The following ABI3BP variants were observed in gnomAD, a reference collection of about 807,000 sequenced individuals.
The protein encoded by ABI3BP is target of Nesh-SH3.
ABI3BP carries 216 observed loss-of-function variants against 268.6 expected under a neutral mutation model. The observed-to-expected ratio is 0.80, with a 90% confidence interval of 0.72 to 0.90. The LOEUF is 0.90. Among genes scored for constraint, ABI3BP ranks in the 40% least tolerant of loss-of-function variants. The pLI is 0.00. For synonymous variants in ABI3BP, 730 were observed against 730.0 expected, an observed-to-expected ratio of 1.00 and a Z score of 0.00; for missense variants, 2,090 against 2,182.4, an observed-to-expected ratio of 0.96 and a Z score of 0.84.
At chr3:100,762,962 G>A (rs1298798344) in intron 63 of ABI3BP, among the ~76,000 whole-genome samples, 1 of 152,044 alleles carries the variant, frequency 6.6e-6, no homozygotes, top group Non-Finnish European at 1.5e-5. Context: ...TATAATCCTG[G>A]CCAAATCATT....
intron 57 of ABI3BP, among the ~76,000 whole-genome samples, chr3:100,782,349 T>C (rs1316657432): frequency 6.6e-6 from 1 of 152,164 alleles, no homozygotes; most frequent in East Asian, 1.9e-4. Flanking sequence ...TGCCCTCTTT[T>C]TTTTTTATCC....
rs191860359 is a variant in ABI3BP at position 100,912,235 on chromosome 3, G to A, written c.260-9549C>T. 7.3e-3 allele frequency: 840 copies of A among 115,760 alleles called. 5 individuals carry two copies. Among genetic ancestry groups the A allele is most frequent in the Middle Eastern group, 0.018 (3 of 164 alleles). The allele number at this position is 115,760 out of a possible 1,614,324, so 7.2% of individuals were successfully genotyped here. ...CTTCACAACTTCATTAATCTAAAAC[G>A]CGTCTAAAACAGTTTATAGAAAAGG... On this transcript the variant is annotated intron_variant, in intron 2 of 67. Coordinates refer to ENST00000471714, the MANE Select transcript of ABI3BP (RefSeq NM_001375547.2).
At chr3:100,763,875 G>T (rs2149634521) in intron 63 of ABI3BP, among the ~76,000 whole-genome samples, 1 of 152,212 alleles carries the variant, frequency 6.6e-6, no homozygotes, top group Non-Finnish European at 1.5e-5. Flanking sequence ...ATATAAACAG[G>T]CTCAAATACT....
At chr3:100,855,349 T>C (rs1381621316) in intron 14 of ABI3BP, among the ~76,000 whole-genome samples, 2 of 152,378 alleles carry the variant, frequency 1.3e-5, no homozygotes, top group African/African-American at 2.4e-5. Context: ...AGGCAAACCA[T>C]TGCATATGAT....
chr3:100,825,494 T>C (rs1233114513), intron 35 of ABI3BP, among the ~76,000 whole-genome samples: 1 of 152,156 alleles, frequency 6.6e-6, no homozygotes, highest in East Asian at 1.9e-4. Flanking sequence ...AATGTTAATA[T>C]AGAACTCGGC....
At chr3:100,848,994 G>A in intron 17 of ABI3BP, 119 bp from the exon 18 acceptor site, 1 of 805,892 alleles carries the variant, frequency 1.2e-6, no homozygotes, top group Non-Finnish European at 2.1e-6. Flanking sequence ...TGTATCCTTA[G>A]AATGTCCAGT....
At chr3:100,882,087 A>T (rs1250385074) in intron 6 of ABI3BP, among the ~76,000 whole-genome samples, 2 of 152,200 alleles carry the variant, frequency 1.3e-5, no homozygotes, top group Non-Finnish European at 2.9e-5. Flanking sequence ...AATACCTCTT[A>T]TTGGAAGGTG....
intron 61 of ABI3BP, among the ~76,000 whole-genome samples, chr3:100,773,743 T>A (rs1042731249): frequency 6.6e-6 from 1 of 152,232 alleles, no homozygotes; most frequent in African/African-American, 2.4e-5. Flanking sequence ...AATAATAGCA[T>A]GCTAGTCAGC....
chr3:100,872,801 C>T (rs1313900483), intron 9 of ABI3BP, among the ~76,000 whole-genome samples: 1 of 152,006 alleles, frequency 6.6e-6, no homozygotes, highest in Admixed American at 6.6e-5. Flanking sequence ...AGGGAGGTGA[C>T]CAAGTCTGAT....
intron 64 of ABI3BP, 84 bp downstream of exon 64, chr3:100,754,528 G>A (rs959714979): frequency 1.7e-5 from 23 of 1,339,970 alleles, no homozygotes; most frequent in Non-Finnish European, 2.3e-5. Context: ...CATGTAGTGG[G>A]TTTCAAACAA....
chr3:100,928,799 A>C (rs2062680585), intron 1 of ABI3BP, among the ~76,000 whole-genome samples: 1 of 152,054 alleles, frequency 6.6e-6, no homozygotes, highest in Non-Finnish European at 1.5e-5. Context: ...GGCTCTCTCT[A>C]GGCTGGACTG....
intron 2 of ABI3BP, among the ~76,000 whole-genome samples, chr3:100,912,633 T>G (rs1185822092): frequency 1.3e-5 from 2 of 152,182 alleles, no homozygotes; most frequent in Non-Finnish European, 2.9e-5. Flanking sequence ...ACAAGCCACA[T>G]TTAGCTATAT....
At chr3:100,813,872 T>G in intron 44 of ABI3BP, 137 bp from the exon 45 acceptor site, 1 of 653,644 alleles carries the variant, frequency 1.5e-6, no homozygotes. Context: ...GAATGTGCCC[T>G]ATTTAAAGCA....
chr3:100,834,074 G>A (rs904202056), intron 29 of ABI3BP, among the ~76,000 whole-genome samples: 3 of 152,046 alleles, frequency 2.0e-5, no homozygotes, highest in South Asian at 2.1e-4. Flanking sequence ...GGGCTCAAGC[G>A]ATCCTCCCAC....
intron 14 of ABI3BP, among the ~76,000 whole-genome samples, chr3:100,859,397 T>C (rs1324041988): frequency 6.6e-6 from 1 of 152,184 alleles, no homozygotes; most frequent in Non-Finnish European, 1.5e-5. Context: ...TATGTTTCTT[T>C]AAAAGATACT....
chr3:100,830,090 T>TATAC (rs1309502224), intron 32 of ABI3BP, among the ~76,000 whole-genome samples: 328 of 91,484 alleles, frequency 3.6e-3, no homozygotes, highest in East Asian at 6.2e-3. Context: ...GCTATATACA[T>TATAC]ATACATACAT....
chr3:100,773,489 C>A (rs3862285), intron 61 of ABI3BP, among the ~76,000 whole-genome samples: 1 of 151,980 alleles, frequency 6.6e-6, no homozygotes, highest in Non-Finnish European at 1.5e-5. Context: ...GGAACTAGAA[C>A]TCTCATCTCT....
chr3:100,864,969 G>T, intron 10 of ABI3BP, 62 bp from the exon 11 acceptor site: 1 of 1,269,958 alleles, frequency 7.9e-7, no homozygotes, highest in Non-Finnish European at 1.1e-6. Context: ...AAGACCAGGA[G>T]ACACATCCTG....
At chr3:100,779,880 T>C (rs922911473) in intron 58 of ABI3BP, among the ~76,000 whole-genome samples, 1 of 152,212 alleles carries the variant, frequency 6.6e-6, no homozygotes, top group African/African-American at 2.4e-5. Context: ...CAGAACATTA[T>C]AGCAAGTAAT....
Sources: allele counts gnomAD v4.1 joint callset (sites outside exome capture counted in the v4.1 genomes callset), GRCh38; gene constraint gnomAD v4.1.1; transcripts MANE v1.5; gene names NCBI Gene and HGNC (gene_info 2026-07-23, HGNC 2026-07-21).